The following SNAP29 variants were observed in gnomAD, a reference collection of about 807,000 sequenced individuals.
The protein encoded by SNAP29 is synaptosomal-associated protein 29.
Under a neutral mutation model 27.9 loss-of-function variants are expected in SNAP29, and 13 were observed. That is an observed-to-expected ratio of 0.47 (90% CI 0.30 to 0.74). The LOEUF (loss-of-function observed/expected upper bound fraction) is 0.74. Ranked by LOEUF, SNAP29 falls within the 30% of genes least tolerant of loss-of-function variation. SNAP29 has a pLI of 0.06. For missense variants in SNAP29, 368 were observed against 336.5 expected, an observed-to-expected ratio of 1.09 and a Z score of -0.73; for synonymous variants, 119 against 127.1, an observed-to-expected ratio of 0.94 and a Z score of 0.43.
chr22:20,866,935 G>C (rs529820545), intron 1 of SNAP29, among the ~76,000 whole-genome samples: 2 of 152,132 alleles, frequency 1.3e-5, no homozygotes, highest in Non-Finnish European at 2.9e-5. Context: ...GTGTGCACGC[G>C]TGCAGTAGCT....
chr22:20,859,571 A>T, intron 1 of SNAP29: 2 of 576,400 alleles, frequency 3.5e-6, no homozygotes. Context: ...CTTAGCTATT[A>T]GTCTGCTTCG....
intron 2 of SNAP29, among the ~76,000 whole-genome samples, chr22:20,876,309 G>C (rs1342130635): frequency 6.9e-6 from 1 of 144,220 alleles, no homozygotes; most frequent in African/African-American, 2.6e-5. Flanking sequence ...CCAGGCTGGA[G>C]TGCAGTGGTG....
At chr22:20,868,028 C>T (rs961984822) in intron 1 of SNAP29, among the ~76,000 whole-genome samples, 6 of 152,028 alleles carry the variant, frequency 3.9e-5, no homozygotes, top group African/African-American at 1.5e-4. Context: ...TCTTCTGCAG[C>T]CTGCAAAGCT....
chr22:20,887,906 T>C lies in SNAP29; in HGVS notation c.*70T>C. On this transcript the variant is annotated 3_prime_UTR_variant, in exon 5 of 5. Transcript: ENST00000215730. The stretch of plus-strand genomic sequence containing the variant: ...ATCTTTTTTTGAACTTCCAAGAAAT[T>C]TCATTTACTATTTTAGTATGTAAAT... 2.1e-6 allele frequency: 3 copies of C among 1,421,410 alleles called. No homozygotes were observed. The highest frequency in any genetic ancestry group is 3.0e-6 in the Non-Finnish European group (3 of 1,010,072). 88.0% of individuals were successfully genotyped at this position (1,421,410 alleles called of 1,614,324 possible). A position where few individuals can be genotyped will look rare whatever the true frequency, so the allele number is the denominator to read the frequency against.
chr22:20,874,317 G>GACACACACACAC (rs368789277), intron 2 of SNAP29, among the ~76,000 whole-genome samples: 1 of 118,116 alleles, frequency 8.5e-6, no homozygotes, highest in African/African-American at 3.1e-5. Flanking sequence ...GACACACACA[G>GACACACACACAC]ACACACACAC....
intron 1 of SNAP29, among the ~76,000 whole-genome samples, chr22:20,865,994 C>G (rs1019308735): frequency 6.6e-6 from 1 of 152,192 alleles, no homozygotes; most frequent in Non-Finnish European, 1.5e-5. Flanking sequence ...CATCATATAT[C>G]ACATTGTTAG....
chr22:20,879,621 G>A (rs1038736963), intron 2 of SNAP29, among the ~76,000 whole-genome samples: 2 of 151,930 alleles, frequency 1.3e-5, no homozygotes, highest in African/African-American at 2.4e-5. Context: ...TAAGGCGGGC[G>A]GATCACCTGA....
At chr22:20,868,657 GTGA>G (rs1928516198) in intron 1 of SNAP29, among the ~76,000 whole-genome samples, 1 of 152,140 alleles carries the variant, frequency 6.6e-6, no homozygotes, top group Non-Finnish European at 1.5e-5. Context: ...AAGCCACAGG[GTGA>G]TGGGTGGATA....
At chr22:20,862,568 G>A (rs1197290687) in intron 1 of SNAP29, among the ~76,000 whole-genome samples, 2 of 152,174 alleles carry the variant, frequency 1.3e-5, no homozygotes, top group Non-Finnish European at 2.9e-5. Context: ...AGGCAAAAAT[G>A]TAATAGTGGT....
intron 1 of SNAP29, chr22:20,859,780 C>A: frequency 4.6e-6 from 1 of 218,636 alleles, no homozygotes; most frequent in Non-Finnish European, 9.3e-6. Context: ...GACTATGTGC[C>A]TGCGAGTGTC....
At position 20,887,888 on chromosome 22, in the gene SNAP29, T is replaced by C. The variant is rs571007119; in HGVS notation, c.*52T>C. 4.4e-5 allele frequency: 68 copies of C among 1,547,658 alleles called. No individual in the cohort carries two copies. In the East Asian group the frequency reaches 7.6e-4, roughly 17 times the overall value. ...GATGAAAAGATTTGAAAGATCTTTT[T>C]TTGAACTTCCAAGAAATTTCATTTA... is the stretch of plus-strand genomic sequence containing the variant. On this transcript the variant is annotated 3_prime_UTR_variant, in exon 5 of 5. Transcript: ENST00000215730.
intron 2 of SNAP29, among the ~76,000 whole-genome samples, chr22:20,880,249 A>G (rs1016128851): frequency 5.9e-5 from 9 of 151,964 alleles, no homozygotes; most frequent in African/African-American, 2.2e-4. Flanking sequence ...TGTAATCCCA[A>G]CACTTTGGGA....
intron 3 of SNAP29, among the ~76,000 whole-genome samples, chr22:20,883,130 T>C (rs79973372): frequency 0.03 from 4,534 of 152,332 alleles, 87 homozygotes; most frequent in Middle Eastern, 0.065. Context: ...GTCCACAGAC[T>C]GTGTAGTTTT....
intron 2 of SNAP29, chr22:20,871,134 A>AT (rs1187224529): frequency 6.5e-6 from 1 of 153,210 alleles, no homozygotes; most frequent in Admixed American, 6.5e-5. Flanking sequence ...AGAAAAAAAA[A>AT]AAAAAAAGTC....
intron 2 of SNAP29, among the ~76,000 whole-genome samples, chr22:20,876,117 A>C (rs1319827067): frequency 6.6e-6 from 1 of 151,770 alleles, no homozygotes; most frequent in African/African-American, 2.4e-5. Flanking sequence ...GCCAAGATCA[A>C]GCCACTGCAG....
At chr22:20,886,909 G>C (rs955152033) in intron 4 of SNAP29, among the ~76,000 whole-genome samples, 39 of 151,858 alleles carry the variant, frequency 2.6e-4, no homozygotes, top group Admixed American at 2.4e-3. Context: ...CATTGTACCC[G>C]GCCAAAACTA....
intron 2 of SNAP29, among the ~76,000 whole-genome samples, chr22:20,873,738 C>T (rs903882103): frequency 1.3e-5 from 2 of 151,252 alleles, no homozygotes; most frequent in African/African-American, 2.4e-5. Context: ...GAGGCCGAGG[C>T]GGGTGCATCG....
rs1038681577 is a variant in SNAP29, at chr22:20,859,016, A to G, written c.-95A>G. ...GCGACGCGCGGAAGGAGTTCGCGCG[A>G]CGACCGCGGGGTCGGCGGGCGGGGC... On this transcript the variant is annotated 5_prime_UTR_variant, in exon 1 of 5. Coordinates refer to ENST00000215730, the MANE Select transcript of SNAP29 (RefSeq NM_004782.4). 1.8e-5 allele frequency: 24 copies of G among 1,365,334 alleles called. No homozygotes were observed. The highest frequency in any genetic ancestry group is 2.3e-5 in the Non-Finnish European group (23 of 1,003,418). 84.6% of individuals were successfully genotyped at this position (1,365,334 alleles called of 1,614,324 possible).
chr22:20,872,214 C>G (rs1569117337), intron 2 of SNAP29, among the ~76,000 whole-genome samples: 1 of 151,218 alleles, frequency 6.6e-6, no homozygotes, highest in Non-Finnish European at 1.5e-5. Flanking sequence ...CTCTCTCTCT[C>G]TCTTTTATTT....
Sources: gnomAD v4.1 joint callset for allele counts (sites outside exome capture counted in the v4.1 genomes callset) on GRCh38, gnomAD v4.1.1 for gene constraint, MANE v1.5 for transcripts, NCBI Gene and HGNC (gene_info 2026-07-23, HGNC 2026-07-21) for gene names.